The following NRCAM variants were observed in gnomAD, a reference collection of about 807,000 sequenced individuals.
NRCAM encodes NgCAM-related cell adhesion molecule.
NRCAM carries 83 observed loss-of-function variants against 156.5 expected under a neutral mutation model. That is an observed-to-expected ratio of 0.53 (90% CI 0.44 to 0.64). The LOEUF (loss-of-function observed/expected upper bound fraction) is 0.64, where lower values mean the gene tolerates loss of function less well. NRCAM is among the 30% of genes least tolerant of loss of function. NRCAM has a pLI of 0.00. For synonymous variants in NRCAM, 538 were observed against 563.9 expected, an observed-to-expected ratio of 0.95 and a Z score of 0.65; for missense variants, 1,417 against 1,597.3, an observed-to-expected ratio of 0.89 and a Z score of 1.92.
At chr7:108,366,869 C>A (rs1026311626) in intron 2 of NRCAM, among the ~76,000 whole-genome samples, 1 of 152,136 alleles carries the variant, frequency 6.6e-6, no homozygotes, top group Non-Finnish European at 1.5e-5. Flanking sequence ...AAGGCTTGGG[C>A]GATGCTTAAG....
At position 108,440,867 on chromosome 7, in the gene NRCAM, C is replaced by T. The variant is rs150253412; in HGVS notation, c.-332+15376G>A. Among the ~76,000 whole-genome samples, 116 of 152,292 alleles carry T rather than the reference C, an allele frequency of 7.6e-4. 2 individuals are homozygous for T. In the East Asian group the frequency reaches 0.02, roughly 26 times the overall value. On this transcript the variant is annotated intron_variant, in intron 1 of 32. Coordinates refer to ENST00000379028, the MANE Select transcript of NRCAM (RefSeq NM_001037132.4). ...GTGTGTGCTGAACTGTTATCTAAAACGAAGTATTTCCTAATTTCAGCCTAC... is the reference window on the plus strand; with the variant it reads ...GTGTGTGCTGAACTGTTATCTAAAATGAAGTATTTCCTAATTTCAGCCTAC...
intron 2 of NRCAM, among the ~76,000 whole-genome samples, chr7:108,397,445 A>C (rs898101891): frequency 2.6e-5 from 4 of 152,194 alleles, no homozygotes; most frequent in African/African-American, 4.8e-5. Context: ...CCCTCAAAGA[A>C]GGCTGTGAGA....
chr7:108,155,619 T>C (rs944293753), intron 32 of NRCAM, among the ~76,000 whole-genome samples: 5 of 152,052 alleles, frequency 3.3e-5, no homozygotes, highest in Non-Finnish European at 4.4e-5. Flanking sequence ...TTTCACACTC[T>C]GGTCATTGTT....
At chr7:108,163,445 A>G (rs1250526193) in intron 30 of NRCAM, among the ~76,000 whole-genome samples, 1 of 152,170 alleles carries the variant, frequency 6.6e-6, no homozygotes, top group Non-Finnish European at 1.5e-5. Flanking sequence ...GTTCTCTACT[A>G]TTTATGAAGA....
At chr7:108,309,272 A>T (rs938069767) in intron 3 of NRCAM, among the ~76,000 whole-genome samples, 13 of 152,216 alleles carry the variant, frequency 8.5e-5, no homozygotes, top group African/African-American at 3.1e-4. Flanking sequence ...TTGTATAAGA[A>T]AAGATTGTTC....
At chr7:108,389,687 T>C (rs960220414) in intron 2 of NRCAM, among the ~76,000 whole-genome samples, 2 of 152,206 alleles carry the variant, frequency 1.3e-5, no homozygotes, top group African/African-American at 4.8e-5. Flanking sequence ...ATATTGGCTA[T>C]GGGTTTGTCA....
intron 25 of NRCAM, 27 bp downstream of exon 25, chr7:108,180,196 G>C (rs775300771): frequency 6.2e-7 from 1 of 1,604,216 alleles, no homozygotes; most frequent in Admixed American, 1.7e-5. Context: ...ATGTTCCTGA[G>C]ATCTTAGAGA....
intron 3 of NRCAM, among the ~76,000 whole-genome samples, chr7:108,264,713 G>A: frequency 6.6e-6 from 1 of 152,176 alleles, no homozygotes; most frequent in East Asian, 1.9e-4. Flanking sequence ...CTCTGTTCCT[G>A]TAACAAACAC....
chr7:108,327,288 T>C (rs1415667283), intron 2 of NRCAM, among the ~76,000 whole-genome samples: 1 of 152,186 alleles, frequency 6.6e-6, no homozygotes. Context: ...TAAGACGTGC[T>C]CTCTTTGCAG....
At chr7:108,297,113 C>G (rs1311230605) in intron 3 of NRCAM, among the ~76,000 whole-genome samples, 1 of 152,206 alleles carries the variant, frequency 6.6e-6, no homozygotes, top group African/African-American at 2.4e-5. Context: ...GATCGGCTTT[C>G]AACCCCACAA....
At chr7:108,406,088 C>A (rs556322941) in intron 1 of NRCAM, among the ~76,000 whole-genome samples, 1 of 151,960 alleles carries the variant, frequency 6.6e-6, no homozygotes, top group Admixed American at 6.6e-5. Context: ...CCTGGCCTAG[C>A]ACAGGGGTAA....
At chr7:108,389,749 A>C (rs922073101) in intron 2 of NRCAM, among the ~76,000 whole-genome samples, 1 of 152,166 alleles carries the variant, frequency 6.6e-6, no homozygotes, top group South Asian at 2.1e-4. Flanking sequence ...TAATTTATTG[A>C]GAGTTTTTGG....
chr7:108,295,827 C>A (rs1001304707), intron 3 of NRCAM, among the ~76,000 whole-genome samples: 1 of 152,212 alleles, frequency 6.6e-6, no homozygotes, highest in Admixed American at 6.5e-5. Flanking sequence ...CCTCTGTGGT[C>A]AGTGTCCTCA....
intron 2 of NRCAM, among the ~76,000 whole-genome samples, chr7:108,375,626 C>A (rs1227058749): frequency 6.6e-6 from 1 of 152,002 alleles, no homozygotes; most frequent in Non-Finnish European, 1.5e-5. Flanking sequence ...GCTGTAAAAT[C>A]TCTTTCTGGA....
At chr7:108,433,646 T>C (rs897832405) in intron 1 of NRCAM, among the ~76,000 whole-genome samples, 1 of 152,112 alleles carries the variant, frequency 6.6e-6, no homozygotes, top group Non-Finnish European at 1.5e-5. Context: ...GCCTGGTGCC[T>C]TCCCCCTACC....
At chr7:108,407,389 T>C (rs1010480752) in intron 1 of NRCAM, among the ~76,000 whole-genome samples, 4 of 152,208 alleles carry the variant, frequency 2.6e-5, no homozygotes, top group African/African-American at 4.8e-5. Flanking sequence ...GCTATTTTAC[T>C]AGCACTGGCT....
chr7:108,415,603 C>T (rs548499105), intron 1 of NRCAM, among the ~76,000 whole-genome samples: 70 of 152,274 alleles, frequency 4.6e-4, no homozygotes, highest in Non-Finnish European at 7.2e-4. Context: ...AGAAGAAGGC[C>T]GGGCGCAGTG....
At chr7:108,417,864 C>T (rs894992400) in intron 1 of NRCAM, among the ~76,000 whole-genome samples, 1 of 152,206 alleles carries the variant, frequency 6.6e-6, no homozygotes, top group Admixed American at 6.5e-5. Context: ...CTTTCCAATA[C>T]TATGGCAGCC....
chr7:108,297,642 G>A (rs1193920219), intron 3 of NRCAM, among the ~76,000 whole-genome samples: 3 of 151,960 alleles, frequency 2.0e-5, no homozygotes, highest in Non-Finnish European at 4.4e-5. Context: ...CAAAGTTTCT[G>A]TCCTCACAAA....
Sources: allele counts gnomAD v4.1 joint callset (sites outside exome capture counted in the v4.1 genomes callset), GRCh38; gene constraint gnomAD v4.1.1; transcripts MANE v1.5; gene names NCBI Gene and HGNC (gene_info 2026-07-23, HGNC 2026-07-21).